Variants in TMEM163 observed in about 807,000 individuals in gnomAD.
The protein encoded by TMEM163 is transmembrane protein 163.
TMEM163 carries 17 observed loss-of-function variants against 29.3 expected under a neutral mutation model. The ratio of observed to expected loss-of-function variants is 0.58; its 90% CI spans 0.40 to 0.87. The LOEUF is 0.87. TMEM163 is among the 40% of genes least tolerant of loss of function. The pLI is 0.00. For synonymous variants in TMEM163, 157 were observed against 160.6 expected, an observed-to-expected ratio of 0.98 and a Z score of 0.17; for missense variants, 303 against 381.5, an observed-to-expected ratio of 0.79 and a Z score of 1.71.
At chr2:134,467,454 T>TGTTGGTA (rs1259751291) in intron 5 of TMEM163, 2 of 152,234 alleles carry the variant, frequency 1.3e-5, no homozygotes, top group African/African-American at 4.8e-5. Context: ...TGGCCCCTGA[T>TGTTGGTA]ACGATGTGAC....
chr2:134,587,149 G>A (rs1011128461), intron 2 of TMEM163, among the ~76,000 whole-genome samples: 64 of 152,236 alleles, frequency 4.2e-4, no homozygotes, highest in African/African-American at 1.5e-3. Context: ...AGTGGCTCAC[G>A]CCTGTAATCC....
At chr2:134,659,980 T>C (rs56303711) in intron 2 of TMEM163, among the ~76,000 whole-genome samples, 22,932 of 152,060 alleles carry the variant, frequency 0.15, 2,574 homozygotes, top group African/African-American at 0.32. Context: ...AATTACTTCA[T>C]ACAATGTTTA....
At chr2:134,630,867 G>C (rs1279855320) in intron 2 of TMEM163, among the ~76,000 whole-genome samples, 1 of 152,168 alleles carries the variant, frequency 6.6e-6, no homozygotes, top group Non-Finnish European at 1.5e-5. Context: ...GACAGAGGGG[G>C]AGTTCTGGTT....
At chr2:134,598,589 T>C (rs1266246791) in intron 2 of TMEM163, among the ~76,000 whole-genome samples, 1 of 152,138 alleles carries the variant, frequency 6.6e-6, no homozygotes, top group Non-Finnish European at 1.5e-5. Context: ...TGTGTAAATA[T>C]GACACAAACT....
intron 2 of TMEM163, among the ~76,000 whole-genome samples, chr2:134,602,332 C>T (rs1285517777): frequency 1.3e-5 from 2 of 152,180 alleles, no homozygotes. Context: ...ACCATAAACC[C>T]TCCCGCATGC....
At chr2:134,508,986 A>G (rs767480467) in intron 4 of TMEM163, among the ~76,000 whole-genome samples, 56 of 152,212 alleles carry the variant, frequency 3.7e-4, no homozygotes, top group Non-Finnish European at 7.3e-5. Flanking sequence ...CCTGTGGTTT[A>G]CACCTGTAAT....
At chr2:134,689,552 C>T (rs771168314) in intron 2 of TMEM163, among the ~76,000 whole-genome samples, 1 of 152,200 alleles carries the variant, frequency 6.6e-6, no homozygotes, top group Non-Finnish European at 1.5e-5. Context: ...TCCTGAGAGG[C>T]CTGCTGCCAC....
intron 2 of TMEM163, among the ~76,000 whole-genome samples, chr2:134,699,239 C>T (rs1202870628): frequency 6.6e-6 from 1 of 152,180 alleles, no homozygotes; most frequent in Admixed American, 6.5e-5. Context: ...CATGGTGGCT[C>T]ATGCCTGTAA....
intron 2 of TMEM163, among the ~76,000 whole-genome samples, chr2:134,636,855 G>T (rs1683115873): frequency 6.6e-6 from 1 of 152,154 alleles, no homozygotes; most frequent in Non-Finnish European, 1.5e-5. Context: ...CAATAAACTG[G>T]CTCCTCTGGT....
At chr2:134,564,634 C>T (rs763798235) in intron 2 of TMEM163, among the ~76,000 whole-genome samples, 1 of 152,130 alleles carries the variant, frequency 6.6e-6, no homozygotes, top group Admixed American at 6.5e-5. Context: ...ATATCCAGAA[C>T]ATATAGACTT....
At chr2:134,578,516 T>C (rs1681614355) in intron 2 of TMEM163, among the ~76,000 whole-genome samples, 1 of 152,206 alleles carries the variant, frequency 6.6e-6, no homozygotes, top group African/African-American at 2.4e-5. Flanking sequence ...AGCGTCTGTA[T>C]GTGTAATGTT....
At chr2:134,490,497 G>GA (rs1440806657) in intron 5 of TMEM163, among the ~76,000 whole-genome samples, 4 of 152,182 alleles carry the variant, frequency 2.6e-5, no homozygotes, top group African/African-American at 9.7e-5. Context: ...GTTCTTTAGA[G>GA]AAAAGATCCT....
At chr2:134,621,885 C>T (rs578046967) in intron 2 of TMEM163, among the ~76,000 whole-genome samples, 2 of 151,662 alleles carry the variant, frequency 1.3e-5, no homozygotes, top group South Asian at 4.2e-4. Flanking sequence ...AGTGAGACTC[C>T]ATCTCAAAAA....
At chr2:134,629,787 T>C (rs899104519) in intron 2 of TMEM163, among the ~76,000 whole-genome samples, 8 of 152,204 alleles carry the variant, frequency 5.3e-5, no homozygotes, top group Non-Finnish European at 2.9e-5. Flanking sequence ...GCCTCATTAA[T>C]AAAAGAGAGT....
chr2:134,667,243 C>T (rs1033334741), intron 2 of TMEM163, among the ~76,000 whole-genome samples: 5 of 152,202 alleles, frequency 3.3e-5, no homozygotes, highest in African/African-American at 7.2e-5. Context: ...AGAACCACAG[C>T]GTTTAGCTGG....
intron 2 of TMEM163, among the ~76,000 whole-genome samples, chr2:134,689,036 A>G (rs1241460093): frequency 6.6e-6 from 1 of 152,146 alleles, no homozygotes; most frequent in Non-Finnish European, 1.5e-5. Flanking sequence ...TGGGATAAAT[A>G]AAAATATCAG....
intron 2 of TMEM163, among the ~76,000 whole-genome samples, chr2:134,630,372 C>T (rs1425343331): frequency 7.6e-6 from 1 of 131,912 alleles, no homozygotes; most frequent in Admixed American, 7.6e-5. Context: ...AAAAAAAAAA[C>T]TCTAAATAAT....
At chr2:134,541,840 G>A (rs929592632) in intron 4 of TMEM163, among the ~76,000 whole-genome samples, 6 of 151,776 alleles carry the variant, frequency 4.0e-5, no homozygotes, top group Admixed American at 2.0e-4. Flanking sequence ...TGTTAGTTCC[G>A]GTTATCCCTG....
chr2:134,533,698 A>C (rs1034877906), intron 4 of TMEM163, among the ~76,000 whole-genome samples: 1 of 152,160 alleles, frequency 6.6e-6, no homozygotes, highest in African/African-American at 2.4e-5. Flanking sequence ...CCCAAGGCTT[A>C]ATAATGCACC....
Sources: gnomAD v4.1 joint callset for allele counts (sites outside exome capture counted in the v4.1 genomes callset) on GRCh38, gnomAD v4.1.1 for gene constraint, MANE v1.5 for transcripts, NCBI Gene and HGNC (gene_info 2026-07-23, HGNC 2026-07-21) for gene names.